DOP1A: variants seen among roughly 807,000 people sequenced by gnomAD.
DOP1A encodes the protein DOP1 leucine zipper like protein A.
In DOP1A, 90 loss-of-function variants were observed where a neutral mutation model predicts 267.6. The ratio of observed to expected loss-of-function variants is 0.34; its 90% confidence interval spans 0.28 to 0.40. The LOEUF is 0.40. DOP1A is among the 10% of genes least tolerant of loss of function. DOP1A has a pLI of 1.00. For missense variants in DOP1A, 2,437 were observed against 2,900.4 expected (o/e 0.84, Z 3.67); for synonymous variants, 932 against 999.1 (o/e 0.93, Z 1.27).
At position 83,168,029 on chromosome 6, in the gene DOP1A, G is replaced by A; in HGVS notation, c.7260G>A (p.Gly2420=). The change falls in exon 39 of 39, where the codon GGG becomes GGA. Residue 2420 remains glycine (G), a synonymous_variant. Coordinates refer to ENST00000349129, the MANE Select transcript of DOP1A (RefSeq NM_015018.4). ...CAAGCCGATGTGGAGGACACTCAGG[G>A]AGTCCTATCCTCTACTCAAATGCCT... ...KVTSRCGGHS[G]SPILYSNAFP... is the part of the protein sequence containing the mutation. 1.2e-6 allele frequency: 2 copies of A among 1,614,134 alleles called. No individual in the cohort carries two copies. Among genetic ancestry groups the A allele is most frequent in the Non-Finnish European group, 1.7e-6 (2 of 1,180,028 alleles).
At chr6:83,093,773 C>G (rs1463672094) in intron 1 of DOP1A, among the ~76,000 whole-genome samples, 2 of 152,094 alleles carry the variant, frequency 1.3e-5, no homozygotes, top group African/African-American at 4.8e-5. Flanking sequence ...AGGCATGGTG[C>G]CAGGTGCCTG....
intron 1 of DOP1A, among the ~76,000 whole-genome samples, chr6:83,084,952 G>T (rs1768814103): frequency 6.6e-6 from 1 of 152,046 alleles, no homozygotes; most frequent in Non-Finnish European, 1.5e-5. Flanking sequence ...CATTTAGATA[G>T]TTATGTTTAA....
chr6:83,093,388 G>C (rs981005094), intron 1 of DOP1A, among the ~76,000 whole-genome samples: 1 of 152,106 alleles, frequency 6.6e-6, no homozygotes, highest in Non-Finnish European at 1.5e-5. Context: ...CTTAACCAAG[G>C]AAATTTTGAT....
At chr6:83,125,765 T>G in intron 15 of DOP1A, 32 bp downstream of exon 15, 1 of 1,541,944 alleles carries the variant, frequency 6.5e-7, no homozygotes, top group Non-Finnish European at 8.9e-7. Flanking sequence ...GGTATTAGAC[T>G]GTTCATATTT....
chr6:83,094,515 C>T (rs1771082734), intron 1 of DOP1A, among the ~76,000 whole-genome samples: 1 of 152,212 alleles, frequency 6.6e-6, no homozygotes, highest in Admixed American at 6.5e-5. Flanking sequence ...ATTTATGTTC[C>T]TCCAGCAGTG....
chr6:83,152,363 C>T lies in DOP1A; in HGVS notation c.6125C>T (p.Ser2042Phe), dbSNP rs1781860496. Residue 2042 changes from serine (S) to phenylalanine (F), a missense_variant, in exon 30 of 39, where the codon TCT becomes TTT. Physicochemically the swap from Ser to Phe is radical, Grantham distance 155. Transcript: ENST00000349129. Reference protein sequence around the residue: ...VYSVHALTLLSEVLAHLLDMV... With the variant: ...VYSVHALTLLFEVLAHLLDMV... ...AGTGTCCATGCATTGACATTACTCT[C>T]TGAGGTAAATATTAAGCTTTTTCAC... 1 of 1,487,614 alleles carries T rather than the reference C, an allele frequency of 6.7e-7. No individual in the cohort carries two copies. Among genetic ancestry groups the T allele is most frequent in the Non-Finnish European group, 9.0e-7 (1 of 1,111,774 alleles). The allele number at this position is 1,487,614 out of a possible 1,614,324, so 92.2% of individuals were successfully genotyped here. A position where few individuals can be genotyped will look rare whatever the true frequency, so the allele number is the denominator to read the frequency against.
intron 4 of DOP1A, 87 bp from the exon 5 acceptor site, chr6:83,108,819 CAGAA>C (rs1774082933): frequency 4.8e-6 from 6 of 1,255,032 alleles, no homozygotes; most frequent in Middle Eastern, 2.4e-4. Flanking sequence ...ACTTTTTCAT[CAGAA>C]AGAAATATTT....
intron 28 of DOP1A, 101 bp from the exon 29 acceptor site, chr6:83,151,782 G>A: frequency 2.8e-6 from 4 of 1,438,866 alleles, no homozygotes; most frequent in Non-Finnish European, 3.8e-6. Flanking sequence ...GAATCAACAA[G>A]TCTATTGTAA....
intron 9 of DOP1A, among the ~76,000 whole-genome samples, 161 bp downstream of exon 9, chr6:83,120,018 A>G (rs914445199): frequency 6.6e-6 from 1 of 151,966 alleles, no homozygotes; most frequent in Non-Finnish European, 1.5e-5. Context: ...TTCCTGTAAA[A>G]TGATAATCAT....
intron 1 of DOP1A, among the ~76,000 whole-genome samples, chr6:83,068,190 G>C (rs1428162608): frequency 6.6e-6 from 1 of 152,228 alleles, no homozygotes; most frequent in Non-Finnish European, 1.5e-5. Context: ...TGAAGGAATC[G>C]AGGCGTTGTG....
At chr6:83,105,262 AT>A (rs1773379054) in intron 4 of DOP1A, among the ~76,000 whole-genome samples, 1 of 149,986 alleles carries the variant, frequency 6.7e-6, no homozygotes, top group Non-Finnish European at 1.5e-5. Context: ...AAGAAACGCT[AT>A]TTGTTATACT....
In DOP1A at chr6:83,138,447, C is replaced by A. The variant is rs1469440787; in HGVS notation, c.4405C>A (p.Pro1469Thr). The change falls in exon 21 of 39, where the codon CCA (proline) becomes ACA (threonine). Residue 1469 changes from proline (P) to threonine (T), a missense_variant. This residue lies in a region of DOP1A where 878 missense variants were observed against 992.9 expected (regional missense o/e 0.88). Coordinates refer to ENST00000349129, the MANE Select transcript of DOP1A (RefSeq NM_015018.4). ...LCLYYMRSHY[P>T]THVKVTAQDL... ...CTTATATTACATGCGTAGCCATTACCCAACTCATGTCAAGGTTACTGCACA... is the reference window on the plus strand; with the variant it reads ...CTTATATTACATGCGTAGCCATTACACAACTCATGTCAAGGTTACTGCACA... 6.2e-7 allele frequency: 1 copy of A among 1,612,434 alleles called. No individual in the cohort carries two copies.
intron 20 of DOP1A, among the ~76,000 whole-genome samples, chr6:83,136,367 A>T (rs924537359): frequency 6.6e-6 from 1 of 152,126 alleles, no homozygotes. Flanking sequence ...CTATATTACT[A>T]CAAAGTCCAT....
chr6:83,099,919 G>A (rs1772257771), intron 3 of DOP1A, among the ~76,000 whole-genome samples: 1 of 151,844 alleles, frequency 6.6e-6, no homozygotes, highest in South Asian at 2.1e-4. Context: ...CTAAATTCCA[G>A]TTCTAACATA....
intron 24 of DOP1A, among the ~76,000 whole-genome samples, chr6:83,142,490 A>G (rs1779820552): frequency 6.6e-6 from 1 of 152,172 alleles, no homozygotes; most frequent in Admixed American, 6.5e-5. Flanking sequence ...CCTGGGCAAC[A>G]GAGCAAGACT....
At chr6:83,082,913 T>C (rs376566998) in intron 1 of DOP1A, among the ~76,000 whole-genome samples, 122 of 151,976 alleles carry the variant, frequency 8.0e-4, no homozygotes, top group African/African-American at 2.5e-3. Flanking sequence ...GTTCAAGCAA[T>C]TCTTCTGCCT....
intron 1 of DOP1A, among the ~76,000 whole-genome samples, chr6:83,087,343 T>A (rs1238513267): frequency 6.6e-6 from 1 of 152,212 alleles, no homozygotes; most frequent in Non-Finnish European, 1.5e-5. Context: ...GTTTGAAGTT[T>A]GTGCTTCTCA....
chr6:83,087,896 A>C (rs1051341954), intron 1 of DOP1A, among the ~76,000 whole-genome samples: 5 of 151,856 alleles, frequency 3.3e-5, no homozygotes, highest in African/African-American at 1.2e-4. Flanking sequence ...TTTTGAGATG[A>C]AGTCTTGCTT....
intron 15 of DOP1A, 110 bp from the exon 16 acceptor site, chr6:83,128,777 G>C (rs544227841): frequency 1.6e-6 from 2 of 1,265,508 alleles, no homozygotes; most frequent in African/African-American, 3.0e-5. Flanking sequence ...TCAACAGAAT[G>C]GGCAGATTAA....
Sources: gnomAD v4.1 joint callset for allele counts (sites outside exome capture counted in the v4.1 genomes callset) on GRCh38, gnomAD v4.1.1 for gene constraint, gnomAD v4.1.1 regional missense constraint, MANE v1.5 for transcripts, NCBI Gene and HGNC (gene_info 2026-07-23, HGNC 2026-07-21) for gene names.